ASB11: variants seen among roughly 807,000 people sequenced by gnomAD.
The protein encoded by ASB11 is ankyrin repeat and SOCS box containing 11, also known as ankyrin repeat and SOCS box protein 11.
In ASB11, 17 loss-of-function variants were observed where a neutral mutation model predicts 20.1. That is an observed-to-expected ratio of 0.85 (90% confidence interval 0.58 to 1.27). ASB11 has a LOEUF of 1.27. Among genes scored for constraint, ASB11 ranks in the 50% most tolerant of loss-of-function variants. The pLI is 0.00. For synonymous variants in ASB11, 107 were observed against 105.6 expected (o/e 1.01, Z -0.08); for missense variants, 259 against 256.9 (o/e 1.01, Z -0.06).
rs374550985 is a variant in ASB11, at chrX:15,293,207, C to T, written c.483G>A (p.Val161=). The T allele has an allele frequency of 6.4e-5, 78 of 1,209,802 alleles. No homozygotes were observed. The East Asian group carries it at 6.8e-4, about 11-fold the overall frequency. Residue 161 remains valine (V), a synonymous_variant, in exon 4 of 7, where the codon GTG becomes GTA. Transcript: ENST00000480796. The stretch of plus-strand genomic sequence containing the variant: ...CCTCATGGATGGGCGAGGCCAGGTG[C>T]ACCTCCAACTGGGCCTTGGCTCCGA... ...LEFGAKAQLE[V]HLASPIHEAV...
intron 1 of ASB11, among the ~76,000 whole-genome samples, chrX:15,305,163 A>G (rs1921195618): frequency 8.9e-6 from 1 of 112,004 alleles, no homozygotes; most frequent in African/African-American, 3.2e-5. Flanking sequence ...TGCCCAAGTG[A>G]TCAAAGTTAA....
intron 1 of ASB11, 89 bp downstream of exon 1, chrX:15,315,336 A>T (rs759622520): frequency 1.2e-6 from 1 of 823,037 alleles, no homozygotes; most frequent in Non-Finnish European, 1.6e-6. Context: ...CAAAGTATAA[A>T]TATAATCTGC....
chrX:15,294,611 C>T (rs5008833), intron 3 of ASB11, among the ~76,000 whole-genome samples: 41,473 of 110,334 alleles, frequency 0.38, 5,612 homozygotes, highest in South Asian at 0.57. Context: ...GTTCAAATGA[C>T]CCTCCTGCCT....
Position 15,296,267 on chromosome X carries a change from GA to G in ASB11, c.369+1306del, listed in dbSNP as rs58628495. Among the ~76,000 whole-genome samples, 621 of 87,784 alleles carry G rather than the reference GA, an allele frequency of 7.1e-3. 13 individuals are homozygous for G. Among genetic ancestry groups the G allele is most frequent in the African/African-American group, 0.022 (518 of 24,041 alleles). The allele number at this position is 87,784 out of a possible 115,157, so 76.2% of individuals were successfully genotyped here. On this transcript the variant is annotated intron_variant, in intron 3 of 6. Coordinates refer to ENST00000480796, the MANE Select transcript of ASB11 (RefSeq NM_080873.3). The stretch of plus-strand genomic sequence containing the variant: ...GACTCTGTCTAAAAATAAAAAGATG[GA>G]AAAAAAAAAAACAAAAAAAGAAAAT...
chrX:15,287,936 C>A lies in ASB11; in HGVS notation c.792G>T (p.Ala264=). 1 of 1,211,384 alleles carries A rather than the reference C, an allele frequency of 8.3e-7. No homozygotes were observed. Among genetic ancestry groups the A allele is most frequent in the Non-Finnish European group, 1.1e-6 (1 of 895,298 alleles). The change falls in exon 6 of 7, where the codon GCG becomes GCT. Residue 264 remains alanine (A), a synonymous_variant. Coordinates refer to ENST00000480796, the MANE Select transcript of ASB11 (RefSeq NM_080873.3). ...LKRRNAQGKS[A]LDLAAPKSSV... is the part of the protein sequence containing the mutation. ...TGCTTTTTGGAGCCGCCAGATCAAG[C>A]GCACTTTTGCCCTGAGCATTTCTAC...
At chrX:15,305,606 T>C (rs988912625) in intron 1 of ASB11, among the ~76,000 whole-genome samples, 1 of 105,483 alleles carries the variant, frequency 9.5e-6, no homozygotes, top group Non-Finnish European at 1.9e-5. Context: ...ATTAGATAGA[T>C]AGATAGATAG....
chrX:15,287,309 G>T (rs1030625258), intron 6 of ASB11, among the ~76,000 whole-genome samples: 7 of 112,546 alleles, frequency 6.2e-5, no homozygotes, highest in African/African-American at 2.3e-4. Context: ...CAAGATTTTC[G>T]GGGTATAAAC....
intron 6 of ASB11, among the ~76,000 whole-genome samples, chrX:15,286,663 C>CAAAAAAAAAAAAAAAAAAA (rs764801887): frequency 5.7e-4 from 31 of 54,367 alleles, no homozygotes; most frequent in African/African-American, 2.2e-3. Context: ...GACTCCATCT[C>CAAAAAAAAAAAAAAAAAAA]AAAAAAAAAA....
Position 15,293,244 on chromosome X carries a change from A to G in ASB11, c.446T>C (p.Val149Ala). 1 of 1,211,935 alleles carries G rather than the reference A, an allele frequency of 8.3e-7. No homozygotes were observed. Among genetic ancestry groups the G allele is most frequent in the Non-Finnish European group, 1.1e-6 (1 of 895,521 alleles). ...GGCCTTGGCTCCGAACTCCAGCAGC[A>G]CATTGACACATGCAGCACTGCCGCT... ...CCSGSAACVN[V>A]LLEFGAKAQL... The change falls in exon 4 of 7, where the codon GTG becomes GCG. Residue 149 changes from valine to alanine, a missense_variant. By Grantham distance (64) the Val-to-Ala change is moderately conservative. Coordinates refer to ENST00000480796, the MANE Select transcript of ASB11 (RefSeq NM_080873.3).
intron 4 of ASB11, 117 bp from the exon 5 acceptor site, chrX:15,289,755 G>A: frequency 5.9e-6 from 5 of 851,512 alleles, no homozygotes; most frequent in Non-Finnish European, 8.2e-6. Context: ...CGGGTGTGGT[G>A]GCTCACGCCT....
chrX:15,296,507 TAGA>T (rs1416445185), intron 3 of ASB11, among the ~76,000 whole-genome samples: 2 of 111,944 alleles, frequency 1.8e-5, no homozygotes, highest in African/African-American at 6.5e-5. Context: ...AGAAGATTTT[TAGA>T]AGTTGTGATT....
intron 3 of ASB11, among the ~76,000 whole-genome samples, chrX:15,296,690 G>A (rs1335317363): frequency 8.9e-6 from 1 of 112,022 alleles, no homozygotes. Context: ...AAAAATAGTT[G>A]TTCATTTAAG....
chrX:15,287,979 T>C lies in ASB11; in HGVS notation c.749A>G (p.Tyr250Cys), dbSNP rs1328017101. 1.7e-6 allele frequency: 2 copies of C among 1,211,992 alleles called. No homozygotes were observed. Among genetic ancestry groups the C allele is most frequent in the Admixed American group, 2.2e-5 (1 of 46,059 alleles). The stretch of plus-strand genomic sequence containing the variant: ...ATTTCTACGCTTCAGGTTAGCTCCA[T>C]AGTCGGTTAGCAGGTGGATGACCTC... ...NVEVIHLLTD[Y>C]GANLKRRNAQ... Residue 250 changes from tyrosine (Y) to cysteine (C), a missense_variant, in exon 6 of 7, where the codon TAT (tyrosine) becomes TGT (cysteine). Coordinates refer to ENST00000480796, the MANE Select transcript of ASB11 (RefSeq NM_080873.3).
chrX:15,297,251 T>C (rs1282303598), intron 3 of ASB11, among the ~76,000 whole-genome samples: 1 of 111,162 alleles, frequency 9.0e-6, no homozygotes, highest in Middle Eastern at 4.2e-3. Flanking sequence ...ATTGTGCCAC[T>C]GCACTCCAGC....
In ASB11 at chrX:15,297,099, C is replaced by T. The variant is rs188535460; in HGVS notation, c.369+475G>A. Among the ~76,000 whole-genome samples the T allele has an allele frequency of 2.6e-4, 29 of 112,273 alleles. 1 individual carries two copies. The East Asian group carries it at 7.0e-3, about 27-fold the overall frequency. ...ACAAGGTCAGGAGATCAAGACCATC[C>T]TGGCTAACACAGTGAAACTCTGTCT... On this transcript the variant is annotated intron_variant, in intron 3 of 6. Coordinates refer to ENST00000480796, the MANE Select transcript of ASB11 (RefSeq NM_080873.3).
chrX:15,283,647 A>G lies in ASB11; in HGVS notation c.848-18T>C. On this transcript the variant is annotated intron_variant, in intron 6 of 6. Coordinates refer to ENST00000480796, the MANE Select transcript of ASB11 (RefSeq NM_080873.3). Reference sequence around the variant, plus strand: ...AGGTGGGCCTGAGAGAGAAATAAAAATGGTGTTAACTTCATAGTGGTGGGA... The same window carrying G: ...AGGTGGGCCTGAGAGAGAAATAAAAGTGGTGTTAACTTCATAGTGGTGGGA... The G allele has an allele frequency of 2.8e-6, 3 of 1,068,753 alleles. No homozygotes were observed. Among genetic ancestry groups the G allele is most frequent in the African/African-American group, 1.9e-5 (1 of 53,539 alleles). 88.1% of individuals were successfully genotyped at this position (1,068,753 alleles called of 1,213,427 possible).
intron 1 of ASB11, among the ~76,000 whole-genome samples, chrX:15,310,018 G>A (rs1344183179): frequency 3.0e-5 from 3 of 99,641 alleles, no homozygotes; most frequent in Non-Finnish European, 6.0e-5. Context: ...TTTCCCAACT[G>A]GAAACGAAGT....
Position 15,283,423 on chromosome X carries a change from G to A in ASB11, c.*82C>T. 1 of 1,134,107 alleles carries A rather than the reference G, an allele frequency of 8.8e-7. No individual in the cohort carries two copies. Among genetic ancestry groups the A allele is most frequent in the South Asian group, 1.8e-5 (1 of 54,571 alleles). 93.5% of individuals were successfully genotyped at this position (1,134,107 alleles called of 1,213,427 possible). A position where few individuals can be genotyped will look rare whatever the true frequency, so the allele number is the denominator to read the frequency against. ...TTTAAAGATACTAGGAGTCTAAGCT[G>A]TTGAGCTTCTACATTAGGTACTCTA... On this transcript the variant is annotated 3_prime_UTR_variant, in exon 7 of 7. Transcript: ENST00000480796.
chrX:15,301,191 G>C (rs2147697508), intron 2 of ASB11, among the ~76,000 whole-genome samples: 1 of 110,766 alleles, frequency 9.0e-6, no homozygotes, highest in African/African-American at 3.3e-5. Flanking sequence ...TCGAACTCCT[G>C]ACCTCAGGTG....
Sources: gnomAD v4.1 joint callset for allele counts (sites outside exome capture counted in the v4.1 genomes callset) on GRCh38, gnomAD v4.1.1 for gene constraint, MANE v1.5 for transcripts, NCBI Gene and HGNC (gene_info 2026-07-23, HGNC 2026-07-21) for gene names.